Variants in NDOR1 observed in about 807,000 individuals in gnomAD.
NDOR1 encodes NADPH dependent diflavin oxidoreductase 1.
In NDOR1, 61 loss-of-function variants were observed where a neutral mutation model predicts 67.2. That is an observed-to-expected ratio of 0.91 (90% CI 0.74 to 1.12). The LOEUF is 1.12. Among genes scored for constraint, NDOR1 ranks in the 50% most tolerant of loss-of-function variants. The probability of loss-of-function intolerance (pLI) is 0.00; values close to 1 mark genes in which losing one functional copy is unlikely to be tolerated. For missense variants in NDOR1, 878 were observed against 802.8 expected, an observed-to-expected ratio of 1.09 and a Z score of -1.13; for synonymous variants, 378 against 343.7, an observed-to-expected ratio of 1.10 and a Z score of -1.10.
rs768822812 is a variant in NDOR1 at position 137,205,802 on chromosome 9, C to T, written c.25C>T (p.Leu9Phe). The T allele has an allele frequency of 6.2e-7, 1 of 1,605,116 alleles. No homozygotes were observed. The highest frequency in any genetic ancestry group is 1.1e-5 in the South Asian group (1 of 91,084). ...GATGCCGAGCCCGCAGCTTCTGGTG[C>T]TCTTCGGCAGCCAGACAGGCACGGC... Reference protein sequence around the residue: MPSPQLLVLFGSQTGTAQD... With the variant: MPSPQLLVFFGSQTGTAQD... The change falls in exon 1 of 14, where the codon CTC (leucine) becomes TTC (phenylalanine). Residue 9 changes from leucine (L) to phenylalanine (F), a missense_variant. By Grantham distance (22) the Leu-to-Phe change is conservative (BLOSUM62 0). Coordinates refer to ENST00000684003, the MANE Select transcript of NDOR1 (RefSeq NM_014434.4).
In NDOR1 at chr9:137,216,546, G is replaced by T. The variant is rs1835617358; in HGVS notation, c.*130G>T. 2 of 1,251,754 alleles carry T rather than the reference G, an allele frequency of 1.6e-6. No individual in the cohort carries two copies. The highest frequency in any genetic ancestry group is 1.5e-5 in the African/African-American group (1 of 66,252). The allele number at this position is 1,251,754 out of a possible 1,614,324, so 77.5% of individuals were successfully genotyped here. ...CCAGCTGGTCCTCTGGGAACAGCCA[G>T]CTCCCGAGCACAGCCGCACTCCTGT... On this transcript the variant is annotated 3_prime_UTR_variant, in exon 14 of 14. Transcript: ENST00000684003.
At chr9:137,210,294 G>T (rs1835190464) in intron 2 of NDOR1, among the ~76,000 whole-genome samples, 2 of 152,152 alleles carry the variant, frequency 1.3e-5, no homozygotes, top group East Asian at 3.9e-4. Context: ...GCCATCAACG[G>T]CTCACTGCCC....
rs142945058 is a variant in NDOR1 at position 137,212,104 on chromosome 9, C to G, written c.214-398C>G. ...AACTCAGGGAGTGGAGGCCCACGCT[C>G]TGGCTGGGAAATGACAGGTGGAGGT... On this transcript the variant is annotated intron_variant, in intron 2 of 13. Coordinates refer to ENST00000684003, the MANE Select transcript of NDOR1 (RefSeq NM_014434.4). The surrounding 1 kb of genome is among the most constrained non-coding windows in gnomAD (Gnocchi z 4.3). Among the ~76,000 whole-genome samples, 385 of 152,256 alleles carry G rather than the reference C, an allele frequency of 2.5e-3. 2 individuals carry two copies. The highest frequency in any genetic ancestry group is 8.7e-3 in the African/African-American group (363 of 41,550).
intron 2 of NDOR1, among the ~76,000 whole-genome samples, chr9:137,207,405 A>T (rs1430228633): frequency 6.6e-6 from 1 of 151,786 alleles, no homozygotes; most frequent in Non-Finnish European, 1.5e-5. Flanking sequence ...CGGTGGGAGT[A>T]GGGGGCTGTG....
chr9:137,206,100 GA>G (rs1834949477), intron 1 of NDOR1, 131 bp from the exon 2 acceptor site: 3 of 1,446,076 alleles, frequency 2.1e-6, no homozygotes, highest in East Asian at 2.3e-5. Flanking sequence ...ACCTGAAAGA[GA>G]AGACGGTCTG....
At position 137,216,267 on chromosome 9, in the gene NDOR1, T is replaced by C; in HGVS notation, c.1650-5T>C. 6.2e-7 allele frequency: 1 copy of C among 1,613,022 alleles called. No homozygotes were observed. The highest frequency in any genetic ancestry group is 8.5e-7 in the Non-Finnish European group (1 of 1,179,934). ...CATTGCGCCTTCTGCGACCTGCCCC[T>C]CTAGCAACGCCAAGTCCATGCCAGC... On this transcript the variant is annotated splice_region_variant and splice_polypyrimidine_tract_variant and intron_variant, in intron 13 of 13. Transcript: ENST00000684003.
At chr9:137,215,829 A>T (rs1835550253) in intron 11 of NDOR1, 24 bp downstream of exon 11, 2 of 1,604,940 alleles carry the variant, frequency 1.2e-6, no homozygotes, top group East Asian at 4.5e-5. Flanking sequence ...GTCTCCGGGC[A>T]GGGTTGTTGC....
At chr9:137,215,254 C>CGGGGCTGTGGGGTTTTGTAAGCA in intron 9 of NDOR1, 52 bp downstream of exon 9, 1 of 1,577,696 alleles carries the variant, frequency 6.3e-7, no homozygotes, top group South Asian at 1.1e-5. Flanking sequence ...AAGCTGGGAC[C>CGGGGCTGTGGGGTTTTGTAAGCA]GGGGCTGTGG....
Position 137,205,902 on chromosome 9 carries a change from C to G in NDOR1, c.125C>G (p.Ser42Cys). Residue 42 changes from serine (S) to cysteine (C), a missense_variant, in exon 1 of 14, where the codon TCC becomes TGC. By Grantham distance (112) the Ser-to-Cys change is moderately radical. Coordinates refer to ENST00000684003, the MANE Select transcript of NDOR1 (RefSeq NM_014434.4). ...GGCTGCCGGGTGCAGGCCCTGGACT[C>G]CTACCCGGTGGTGAGGGCTCGCTAG... is the stretch of plus-strand genomic sequence containing the variant. ...RLGCRVQALD[S>C]YPVVNLINEP... 2.5e-6 allele frequency: 4 copies of G among 1,593,066 alleles called. No individual in the cohort carries two copies. The highest frequency in any genetic ancestry group is 3.4e-6 in the Non-Finnish European group (4 of 1,175,494).
rs375596604 is a variant in NDOR1, at chr9:137,218,801, A to G, written c.*2385A>G. 2 of 396,404 alleles carry G rather than the reference A, an allele frequency of 5.0e-6. No homozygotes were observed. The highest frequency in any genetic ancestry group is 8.9e-6 in the Non-Finnish European group (2 of 225,148). 24.6% of individuals were successfully genotyped at this position (396,404 alleles called of 1,614,324 possible). A position where few individuals can be genotyped will look rare whatever the true frequency, so the allele number is the denominator to read the frequency against. On this transcript the variant is annotated 3_prime_UTR_variant, in exon 14 of 14. Coordinates refer to ENST00000684003, the MANE Select transcript of NDOR1 (RefSeq NM_014434.4). ...CAGAGGCCTGACCCTGCCAGAGTCCATGGCTGCACTGCTGCCCAGACACTA... is the reference window on the plus strand; with the variant it reads ...CAGAGGCCTGACCCTGCCAGAGTCCGTGGCTGCACTGCTGCCCAGACACTA...
At position 137,212,736 on chromosome 9, in the gene NDOR1, C is replaced by A. The variant is rs1032804857; in HGVS notation, c.311+137C>A. The A allele has an allele frequency of 8.1e-6, 6 of 738,082 alleles. No individual in the cohort carries two copies. The highest frequency in any genetic ancestry group is 1.4e-5 in the Non-Finnish European group (6 of 431,352). The allele number at this position is 738,082 out of a possible 1,614,324, so 45.7% of individuals were successfully genotyped here. A position where few individuals can be genotyped will look rare whatever the true frequency, so the allele number is the denominator to read the frequency against. On this transcript the variant is annotated intron_variant, in intron 3 of 13. Transcript: ENST00000684003. This position sits in a 1 kb window ranked among gnomAD's most constrained non-coding sequence, Gnocchi z 4.3. ...GGCCCTCGCAGTGGTACTGGCTTCTCCACAACGCTCCCTGGTGGGCACCCC... is the reference window on the plus strand; with the variant it reads ...GGCCCTCGCAGTGGTACTGGCTTCTACACAACGCTCCCTGGTGGGCACCCC...
At chr9:137,206,529 C>T (rs111492193) in intron 2 of NDOR1, among the ~76,000 whole-genome samples, 23,421 of 152,190 alleles carry the variant, frequency 0.15, 1,910 homozygotes, top group Middle Eastern at 0.25. Flanking sequence ...TTTAACCTTT[C>T]TTATTTTTCC....
rs560275181 is a variant in NDOR1 at position 137,215,275 on chromosome 9, G to T, written c.1173+73G>T. On this transcript the variant is annotated intron_variant, in intron 9 of 13. Coordinates refer to ENST00000684003, the MANE Select transcript of NDOR1 (RefSeq NM_014434.4). ...GGACCGGGGCTGTGGGGTTTTGTAA[G>T]CAGGGGCTGCCCTCTGACCAGGTGA... 8.7e-5 allele frequency: 136 copies of T among 1,554,982 alleles called. No homozygotes were observed. In the South Asian group the frequency reaches 1.3e-3, roughly 14 times the overall value.
At chr9:137,209,368 G>C (rs1835136067) in intron 2 of NDOR1, among the ~76,000 whole-genome samples, 1 of 152,200 alleles carries the variant, frequency 6.6e-6, no homozygotes, top group African/African-American at 2.4e-5. Flanking sequence ...GGAATGGTGG[G>C]ATAGGGAAGC....
rs372455079 is a variant in NDOR1 at position 137,219,327 on chromosome 9, C to T, written c.*2911C>T. On this transcript the variant is annotated 3_prime_UTR_variant, in exon 14 of 14. Coordinates refer to ENST00000684003, the MANE Select transcript of NDOR1 (RefSeq NM_014434.4). ...GAGAGATGGAGGACTGATCCTGGAACGTGAAGCAGCTTTCAATAAACCAGC... is the reference window on the plus strand; with the variant it reads ...GAGAGATGGAGGACTGATCCTGGAATGTGAAGCAGCTTTCAATAAACCAGC... The T allele has an allele frequency of 9.2e-5, 14 of 151,552 alleles. No individual in the cohort carries two copies. The East Asian group carries it at 2.1e-3, about 23-fold the overall frequency. 9.4% of individuals were successfully genotyped at this position (151,552 alleles called of 1,614,324 possible).
At position 137,217,780 on chromosome 9, in the gene NDOR1, C is replaced by T. The variant is rs548756528; in HGVS notation, c.*1364C>T. 1.8e-5 allele frequency: 7 copies of T among 395,026 alleles called. No homozygotes were observed. The East Asian group carries it at 2.5e-4, about 14-fold the overall frequency. 24.5% of individuals were successfully genotyped at this position (395,026 alleles called of 1,614,324 possible). ...TGGGGTCCCTGTCCTCCTATCCTGACTCCTGCCCCAGGGCCACCACCCCTG... is the reference window on the plus strand; with the variant it reads ...TGGGGTCCCTGTCCTCCTATCCTGATTCCTGCCCCAGGGCCACCACCCCTG... On this transcript the variant is annotated 3_prime_UTR_variant, in exon 14 of 14. Coordinates refer to ENST00000684003, the MANE Select transcript of NDOR1 (RefSeq NM_014434.4).
In NDOR1 at chr9:137,215,181, C is replaced by T. The variant is rs531870603; in HGVS notation, c.1152C>T (p.Phe384=). ...DLIPVIRPRA[F]SIASSLLTHP... ...TCCCCGTTATCCGGCCGAGGGCCTT[C>T]TCCATCGCCTCCTCGCTGCTGGTGA... The change falls in exon 9 of 14, where the codon TTC becomes TTT. Residue 384 remains phenylalanine (F), a synonymous_variant. Transcript: ENST00000684003. 4 of 1,612,454 alleles carry T rather than the reference C, an allele frequency of 2.5e-6. No homozygotes were observed. The South Asian group carries it at 4.4e-5, about 18-fold the overall frequency.
intron 13 of NDOR1, 34 bp downstream of exon 13, chr9:137,216,222 A>G: frequency 1.2e-6 from 2 of 1,613,018 alleles, no homozygotes; most frequent in Non-Finnish European, 8.5e-7. Flanking sequence ...GAGTGGGCCC[A>G]GCCCCTGAGT....
chr9:137,216,275 C>T lies in NDOR1; in HGVS notation c.1653C>T (p.Asn551=), dbSNP rs147308483. ...RQGAYFYLAG[N]AKSMPADVSE... is the part of the protein sequence containing the mutation. ...CTTCTGCGACCTGCCCCTCTAGCAACGCCAAGTCCATGCCAGCGGACGTCT... is the reference window on the plus strand; with the variant it reads ...CTTCTGCGACCTGCCCCTCTAGCAATGCCAAGTCCATGCCAGCGGACGTCT... Residue 551 remains asparagine, a synonymous_variant, in exon 14 of 14, where the codon AAC becomes AAT. Coordinates refer to ENST00000684003, the MANE Select transcript of NDOR1 (RefSeq NM_014434.4). The T allele has an allele frequency of 1.4e-3, 2,194 of 1,613,158 alleles. 31 individuals are homozygous for T. In the East Asian group the frequency reaches 0.033, roughly 24 times the overall value.
Sources: allele counts gnomAD v4.1 joint callset (sites outside exome capture counted in the v4.1 genomes callset), GRCh38; gene constraint gnomAD v4.1.1; non-coding constraint Gnocchi (gnomAD v3.1); transcripts MANE v1.5; gene names NCBI Gene and HGNC (gene_info 2026-07-23, HGNC 2026-07-21).